Variants in CCNB1IP1 observed in about 807,000 individuals in gnomAD.
CCNB1IP1 encodes cyclin B1 interacting protein 1.
Under a neutral mutation model 25.6 loss-of-function variants are expected in CCNB1IP1, and 14 were observed. The ratio of observed to expected loss-of-function variants is 0.55; its 90% CI spans 0.36 to 0.85. The LOEUF is 0.85. Ranked by LOEUF, CCNB1IP1 falls within the 40% of genes least tolerant of loss-of-function variation. CCNB1IP1 has a pLI of 0.01. For missense variants in CCNB1IP1, 278 were observed against 342.4 expected (o/e 0.81, Z 1.48); for synonymous variants, 119 against 116.1 (o/e 1.02, Z -0.16).
intron 4 of CCNB1IP1, among the ~76,000 whole-genome samples, chr14:20,317,170 G>A (rs949483339): frequency 6.6e-6 from 1 of 151,910 alleles, no homozygotes; most frequent in Non-Finnish European, 1.5e-5. Context: ...CAGCACCTTA[G>A]GAGGCCAAGG....
At chr14:20,315,747 G>A in intron 5 of CCNB1IP1, 1 of 1,225,316 alleles carries the variant, frequency 8.2e-7, no homozygotes, top group Non-Finnish European at 1.1e-6. Flanking sequence ...TTATAGAATA[G>A]TTAACTAAAA....
chr14:20,314,688 G>GTATA (rs1244580884), intron 5 of CCNB1IP1: 2 of 152,154 alleles, frequency 1.3e-5, no homozygotes, highest in Non-Finnish European at 2.9e-5. Context: ...GATCAGGAGA[G>GTATA]TATATTTGCA....
chr14:20,316,767 C>T (rs572023723), intron 4 of CCNB1IP1, among the ~76,000 whole-genome samples: 6 of 152,130 alleles, frequency 3.9e-5, no homozygotes, highest in African/African-American at 1.2e-4. Context: ...GCTTTAAGGA[C>T]AAAGGTAAAG....
In CCNB1IP1 at chr14:20,311,560, T is replaced by C; in HGVS notation, c.824A>G (p.Lys275Arg). The change falls in exon 7 of 7, where the codon AAA (lysine) becomes AGA (arginine). Residue 275 changes from lysine to arginine, a missense_variant. Physicochemically the swap from Lys to Arg is conservative, Grantham distance 26 (BLOSUM62 2). Transcript: ENST00000358932. ...GACACTATGCGTGGCTCAAATTCTT[T>C]TTACTTTGAAGGCCCTGCTAGAAAC... is the stretch of plus-strand genomic sequence containing the variant. ...QQVSSRAFKV[K>R]RI The C allele has an allele frequency of 6.2e-7, 1 of 1,613,018 alleles. No individual in the cohort carries two copies. Among genetic ancestry groups the C allele is most frequent in the Non-Finnish European group, 8.5e-7 (1 of 1,179,800 alleles).
intron 4 of CCNB1IP1, chr14:20,318,173 TTTAAA>T (rs1168111285): frequency 2.0e-5 from 3 of 152,268 alleles, no homozygotes; most frequent in East Asian, 1.9e-4. Flanking sequence ...ATTACAGCTC[TTTAAA>T]TTAAGCGATA....
At chr14:20,311,827 A>T in intron 6 of CCNB1IP1, 75 bp from the exon 7 acceptor site, 10 of 835,496 alleles carry the variant, frequency 1.2e-5, no homozygotes, top group Non-Finnish European at 1.7e-5. Context: ...GGAATCATCA[A>T]ATATATATAT....
intron 5 of CCNB1IP1, chr14:20,315,407 A>G (rs1420799739): frequency 2.3e-6 from 2 of 875,180 alleles, no homozygotes; most frequent in East Asian, 1.0e-4. Context: ...CTCTCACCAC[A>G]TAAGCCAGCA....
intron 5 of CCNB1IP1, chr14:20,314,622 C>A (rs1296719907): frequency 6.6e-6 from 1 of 152,066 alleles, no homozygotes; most frequent in African/African-American, 2.4e-5. Context: ...CTTCATTAAA[C>A]TTAAAAATCT....
At position 20,316,421 on chromosome 14, in the gene CCNB1IP1, G is replaced by C; in HGVS notation, c.103C>G (p.Gln35Glu). 1 of 1,614,002 alleles carries C rather than the reference G, an allele frequency of 6.2e-7. No homozygotes were observed. The highest frequency in any genetic ancestry group is 8.5e-7 in the Non-Finnish European group (1 of 1,179,946). The change falls in exon 5 of 7, where the codon CAG becomes GAG. Residue 35 changes from glutamine (Q) to glutamate (E), a missense_variant. Physicochemically the swap from Gln to Glu is conservative, Grantham distance 29 (BLOSUM62 2). Transcript: ENST00000358932. ...CGACTAAACTCACCACTGCCATGCT[G>C]ATCACAGAAGATGTGAGAGCAGGCA... is the stretch of plus-strand genomic sequence containing the variant. Reference protein sequence around the residue: ...VTACSHIFCDQHGSGEFSRSP... With the variant: ...VTACSHIFCDEHGSGEFSRSP...
intron 1 of CCNB1IP1, among the ~76,000 whole-genome samples, chr14:20,331,864 TA>T (rs1440044868): frequency 1.3e-5 from 2 of 149,884 alleles, no homozygotes; most frequent in African/African-American, 4.9e-5. Flanking sequence ...CTTATATGCA[TA>T]AAATATCTTA....
intron 4 of CCNB1IP1, chr14:20,320,341 C>T: frequency 2.2e-6 from 1 of 455,954 alleles, no homozygotes. Flanking sequence ...AGAAAGCAAA[C>T]ATTCCAACAA....
chr14:20,313,475 G>A lies in CCNB1IP1; in HGVS notation c.624C>T (p.Phe208=). Residue 208 remains phenylalanine (F), a synonymous_variant, in exon 6 of 7, where the codon TTC becomes TTT. Coordinates refer to ENST00000358932, the MANE Select transcript of CCNB1IP1 (RefSeq NM_021178.5). ...ATACATGTCCTTTCTTACCTAATGGGAAGCCAAGAACACCAGACTGTGCAA... is the reference window on the plus strand; with the variant it reads ...ATACATGTCCTTTCTTACCTAATGGAAAGCCAAGAACACCAGACTGTGCAA... ...SMIAQSGVLG[F]PLGNNSKFPL... The A allele has an allele frequency of 6.4e-7, 1 of 1,574,646 alleles. No individual in the cohort carries two copies. The highest frequency in any genetic ancestry group is 8.6e-7 in the Non-Finnish European group (1 of 1,159,900).
At chr14:20,313,330 G>A (rs1339180883) in intron 6 of CCNB1IP1, 138 bp downstream of exon 6, 24 of 578,534 alleles carry the variant, frequency 4.1e-5, no homozygotes. Context: ...GTTGAAACAT[G>A]GGTGAAGAAT....
At chr14:20,330,444 T>C (rs548335292) in intron 1 of CCNB1IP1, 23 of 152,198 alleles carry the variant, frequency 1.5e-4, no homozygotes, top group African/African-American at 5.5e-4. Context: ...CATCATGCAA[T>C]ATACCCTGAA....
intron 5 of CCNB1IP1, 77 bp from the exon 6 acceptor site, chr14:20,313,878 A>G: frequency 1.8e-6 from 2 of 1,112,706 alleles, no homozygotes; most frequent in East Asian, 4.9e-5. Context: ...CAAACACAAA[A>G]GGAAAAGAAA....
At chr14:20,318,339 G>A (rs927581327) in intron 4 of CCNB1IP1, 1 of 152,156 alleles carries the variant, frequency 6.6e-6, no homozygotes, top group African/African-American at 2.4e-5. Context: ...TGGGCGTGGT[G>A]GTGGACGCCT....
rs1882473913 is a variant in CCNB1IP1 at position 20,311,427 on chromosome 14, C to T, written c.*123G>A. 2.7e-6 allele frequency: 2 copies of T among 745,948 alleles called. No homozygotes were observed. Among genetic ancestry groups the T allele is most frequent in the Non-Finnish European group, 4.6e-6 (2 of 435,768 alleles). 46.2% of individuals were successfully genotyped at this position (745,948 alleles called of 1,614,324 possible). On this transcript the variant is annotated 3_prime_UTR_variant, in exon 7 of 7. Transcript: ENST00000358932. ...AGAAACAGGGTCTCACTCTGTTGCCCAGGCTGGAGTGCAGTGGCATGATCT... is the reference window on the plus strand; with the variant it reads ...AGAAACAGGGTCTCACTCTGTTGCCTAGGCTGGAGTGCAGTGGCATGATCT...
chr14:20,315,889 A>G (rs1032020594), intron 5 of CCNB1IP1: 3 of 511,438 alleles, frequency 5.9e-6, no homozygotes, highest in African/African-American at 4.0e-5. Context: ...AAAGGAAGAA[A>G]AATTCATACC....
At chr14:20,321,592 CA>C (rs1319584865) in intron 4 of CCNB1IP1, among the ~76,000 whole-genome samples, 59 of 152,260 alleles carry the variant, frequency 3.9e-4, no homozygotes, top group African/African-American at 1.3e-3. Context: ...GCTGGGACTA[CA>C]GGCACGCTGC....
Sources: allele counts gnomAD v4.1 joint callset (sites outside exome capture counted in the v4.1 genomes callset), GRCh38; gene constraint gnomAD v4.1.1; transcripts MANE v1.5; gene names NCBI Gene and HGNC (gene_info 2026-07-23, HGNC 2026-07-21).